Variants in CDKL2 observed in about 807,000 individuals in gnomAD.
CDKL2 encodes cyclin dependent kinase like 2.
Under a neutral mutation model 63.9 loss-of-function variants are expected in CDKL2, and 64 were observed. The observed-to-expected ratio is 1.00, with a 90% confidence interval of 0.82 to 1.23. The LOEUF is 1.23. Among genes scored for constraint, CDKL2 ranks in the 50% most tolerant of loss-of-function variants. CDKL2 has a pLI of 0.00. For synonymous variants in CDKL2, 211 were observed against 229.2 expected, an observed-to-expected ratio of 0.92 and a Z score of 0.72; for missense variants, 656 against 668.0, an observed-to-expected ratio of 0.98 and a Z score of 0.20.
intron 3 of CDKL2, among the ~76,000 whole-genome samples, chr4:75,607,944 G>C (rs1405308530): frequency 6.8e-6 from 1 of 147,594 alleles, no homozygotes; most frequent in Non-Finnish European, 1.5e-5. Flanking sequence ...TCCCGAGTAG[G>C]TGGGACTACT....
intron 2 of CDKL2, among the ~76,000 whole-genome samples, chr4:75,620,307 A>G (rs894444986): frequency 2.0e-5 from 3 of 152,194 alleles, no homozygotes; most frequent in Non-Finnish European, 2.9e-5. Flanking sequence ...ACCAGAACAT[A>G]TCGGCGATTG....
chr4:75,626,750 G>T (rs1431356169), intron 1 of CDKL2, among the ~76,000 whole-genome samples: 1 of 151,602 alleles, frequency 6.6e-6, no homozygotes, highest in Non-Finnish European at 1.5e-5. Flanking sequence ...AATTAGCTGG[G>T]TGTGGTGGTG....
At chr4:75,597,368 C>A (rs538800227) in intron 8 of CDKL2, 132 bp from the exon 9 acceptor site, 5 of 627,870 alleles carry the variant, frequency 8.0e-6, no homozygotes, top group Admixed American at 5.9e-5. Context: ...TTTCTTTATT[C>A]TTCCTAGGGG....
At chr4:75,619,167 AG>A (rs1455802619) in intron 2 of CDKL2, among the ~76,000 whole-genome samples, 1 of 152,226 alleles carries the variant, frequency 6.6e-6, no homozygotes, top group East Asian at 1.9e-4. Context: ...GACAGAAACC[AG>A]AACTGGGAAA....
At position 75,592,280 on chromosome 4, in the gene CDKL2, C is replaced by A. The variant is rs1728750606; in HGVS notation, c.1417-11G>T. On this transcript the variant is annotated splice_polypyrimidine_tract_variant and intron_variant, in intron 10 of 13. Coordinates refer to ENST00000307465, the MANE Select transcript of CDKL2 (RefSeq NM_001330724.2). Reference sequence around the variant, plus strand: ...TTTTTCACTAGAGACCTAATATCATCAACATAGTCAACAAAAAAGAATTAG... The same window carrying A: ...TTTTTCACTAGAGACCTAATATCATAAACATAGTCAACAAAAAAGAATTAG... The A allele has an allele frequency of 6.6e-7, 1 of 1,510,542 alleles. No homozygotes were observed. The highest frequency in any genetic ancestry group is 1.7e-4 in the Middle Eastern group (1 of 5,836). The allele number at this position is 1,510,542 out of a possible 1,614,324, so 93.6% of individuals were successfully genotyped here.
intron 7 of CDKL2, among the ~76,000 whole-genome samples, chr4:75,600,021 T>A (rs557325819): frequency 6.6e-6 from 1 of 152,302 alleles, no homozygotes; most frequent in Admixed American, 6.5e-5. Flanking sequence ...ATGATCTGAC[T>A]GGTAGACGTC....
chr4:75,609,988 G>T (rs1729614276), intron 3 of CDKL2, among the ~76,000 whole-genome samples: 1 of 151,860 alleles, frequency 6.6e-6, no homozygotes, highest in Non-Finnish European at 1.5e-5. Flanking sequence ...TGGATCACGA[G>T]GTCAGGAGAT....
At chr4:75,586,387 A>G (rs1408094961) in intron 12 of CDKL2, among the ~76,000 whole-genome samples, 1 of 151,844 alleles carries the variant, frequency 6.6e-6, no homozygotes, top group Non-Finnish European at 1.5e-5. Context: ...CACCACGCCC[A>G]GCTAATTTTT....
intron 7 of CDKL2, among the ~76,000 whole-genome samples, chr4:75,599,135 C>T (rs1729065014): frequency 6.6e-6 from 1 of 152,100 alleles, no homozygotes; most frequent in East Asian, 1.9e-4. Context: ...ATGACTAAAG[C>T]ATGATATTAC....
At chr4:75,582,097 G>A (rs1728288758) in intron 12 of CDKL2, among the ~76,000 whole-genome samples, 199 bp from the exon 13 acceptor site, 1 of 152,194 alleles carries the variant, frequency 6.6e-6, no homozygotes, top group African/African-American at 2.4e-5. Flanking sequence ...CTGCTGAGTG[G>A]ATGTTATTCT....
At chr4:75,596,017 GAAGGAAGGAAGGAAGA>G (rs1321336318) in intron 10 of CDKL2, 11,445 of 73,598 alleles carry the variant, frequency 0.16, 1,151 homozygotes, top group East Asian at 0.3. Context: ...AGGAAGGAAG[GAAGGAAGGAAGGAAGA>G]AAGGAAGGAA....
chr4:75,599,195 G>C (rs1361722055), intron 7 of CDKL2, among the ~76,000 whole-genome samples: 14 of 152,112 alleles, frequency 9.2e-5, no homozygotes, highest in Non-Finnish European at 1.3e-4. Context: ...ACAGACAAAT[G>C]GATTTTAATT....
chr4:75,592,249 G>A lies in CDKL2; in HGVS notation c.1437C>T (p.Leu479=). 1.3e-6 allele frequency: 2 copies of A among 1,532,516 alleles called. No individual in the cohort carries two copies. The highest frequency in any genetic ancestry group is 8.7e-7 in the Non-Finnish European group (1 of 1,145,922). 94.9% of individuals were successfully genotyped at this position (1,532,516 alleles called of 1,614,324 possible). ...VTTLVSSEKN[L]FWASKKRREY... is the part of the protein sequence containing the mutation. ...CTCTTCTTTTCTTACTTGCCCAAAAGAGGTTTTTTTCACTAGAGACCTAAT... is the reference window on the plus strand; with the variant it reads ...CTCTTCTTTTCTTACTTGCCCAAAAAAGGTTTTTTTCACTAGAGACCTAAT... The change falls in exon 11 of 14, where the codon CTC becomes CTT. Residue 479 remains leucine (L), a synonymous_variant. Transcript: ENST00000307465.
chr4:75,609,296 G>T (rs1175003907), intron 3 of CDKL2, among the ~76,000 whole-genome samples: 1 of 152,000 alleles, frequency 6.6e-6, no homozygotes, highest in Non-Finnish European at 1.5e-5. Context: ...AAAACAGGAT[G>T]CTGATATTCA....
At position 75,614,358 on chromosome 4, in the gene CDKL2, A is replaced by C; in HGVS notation, c.260T>G (p.Ile87Ser). The change falls in exon 3 of 14, where the codon ATT (isoleucine) becomes AGT (serine). Residue 87 changes from isoleucine to serine, a missense_variant. Transcript: ENST00000307465. The stretch of plus-strand genomic sequence containing the variant: ...TGGAAAGAGCTCCAAGTCATCAAGA[A>C]TTGTGTGGTCAACAAATTCAAAGAC... ...YLVFEFVDHT[I>S]LDDLELFPNG... The C allele has an allele frequency of 6.2e-7, 1 of 1,611,144 alleles. No homozygotes were observed. Among genetic ancestry groups the C allele is most frequent in the East Asian group, 2.2e-5 (1 of 44,772 alleles).
At chr4:75,601,478 T>A (rs574453910) in intron 6 of CDKL2, among the ~76,000 whole-genome samples, 1 of 152,212 alleles carries the variant, frequency 6.6e-6, no homozygotes, top group African/African-American at 2.4e-5. Context: ...AAATAATACA[T>A]CTGGGATTTG....
intron 2 of CDKL2, 125 bp downstream of exon 2, chr4:75,625,696 C>T: frequency 1.5e-6 from 1 of 684,844 alleles, no homozygotes. Flanking sequence ...GGAACAAACA[C>T]TTTTAAAATC....
chr4:75,592,593 A>G (rs1728763943), intron 10 of CDKL2, among the ~76,000 whole-genome samples: 1 of 152,246 alleles, frequency 6.6e-6, no homozygotes. Flanking sequence ...TCTTCAGGCC[A>G]GCAAGGTCGG....
chr4:75,584,760 C>T (rs1728399566), intron 12 of CDKL2, among the ~76,000 whole-genome samples: 1 of 152,072 alleles, frequency 6.6e-6, no homozygotes. Context: ...CAATTCATGT[C>T]CTGAGCAGAA....
Sources: gnomAD v4.1 joint callset for allele counts (sites outside exome capture counted in the v4.1 genomes callset) on GRCh38, gnomAD v4.1.1 for gene constraint, MANE v1.5 for transcripts, NCBI Gene and HGNC (gene_info 2026-07-23, HGNC 2026-07-21) for gene names.